ANKFN1: variants seen among roughly 807,000 people sequenced by gnomAD.
ANKFN1 encodes ankyrin repeat and fibronectin type-III domain-containing protein 1.
ANKFN1 carries 74 observed loss-of-function variants against 108.7 expected under a neutral mutation model. That is an observed-to-expected ratio of 0.68 (90% CI 0.56 to 0.83). ANKFN1 has a LOEUF of 0.83. Among genes scored for constraint, ANKFN1 ranks in the 40% least tolerant of loss-of-function variants. ANKFN1 has a pLI of 0.00. For missense variants in ANKFN1, 1,505 were observed against 1,382.3 expected (o/e 1.09, Z -1.41); for synonymous variants, 547 against 516.2 (o/e 1.06, Z -0.81).
intron 4 of ANKFN1, among the ~76,000 whole-genome samples, chr17:56,061,271 T>C (rs1429616482): frequency 7.6e-6 from 1 of 131,224 alleles, no homozygotes; most frequent in East Asian, 2.1e-4. Flanking sequence ...TTTTCTTTTT[T>C]TTTTTTTTTT....
intron 2 of ANKFN1, among the ~76,000 whole-genome samples, chr17:56,223,891 T>C (rs1916061735): frequency 6.6e-6 from 1 of 152,246 alleles, no homozygotes; most frequent in South Asian, 2.1e-4. Context: ...GCTTTATATG[T>C]ATATCCTCCA....
At chr17:56,309,813 AC>A (rs1262465455) in intron 3 of ANKFN1, among the ~76,000 whole-genome samples, 2 of 152,268 alleles carry the variant, frequency 1.3e-5, no homozygotes, top group Admixed American at 1.3e-4. Flanking sequence ...AATATTCTAT[AC>A]TAAAAGTTAT....
At chr17:56,203,175 C>T (rs1041849141) in intron 1 of ANKFN1, among the ~76,000 whole-genome samples, 6 of 152,124 alleles carry the variant, frequency 3.9e-5, no homozygotes, top group Admixed American at 6.6e-5. Context: ...TGTAAGTTTC[C>T]AGGGACATTT....
intron 3 of ANKFN1, among the ~76,000 whole-genome samples, chr17:56,240,740 G>C (rs1400326977): frequency 6.6e-6 from 1 of 152,016 alleles, no homozygotes; most frequent in African/African-American, 2.4e-5. Context: ...GAGTAAAATG[G>C]TGTGTCATTT....
chr17:56,381,891 A>G (rs1349299246), intron 8 of ANKFN1, among the ~76,000 whole-genome samples: 1 of 152,174 alleles, frequency 6.6e-6, no homozygotes, highest in African/African-American at 2.4e-5. Context: ...AACTTCCCCA[A>G]TCTAGCAAGG....
chr17:56,082,282 G>GTTTTGT (rs71137193), intron 4 of ANKFN1, among the ~76,000 whole-genome samples: 26 of 150,614 alleles, frequency 1.7e-4, no homozygotes, highest in East Asian at 7.9e-4. Flanking sequence ...TTGTTGTTTT[G>GTTTTGT]TTTTGTTTTT....
At chr17:56,503,497 A>G (rs1474044072) in intron 20 of ANKFN1, among the ~76,000 whole-genome samples, 1 of 60,108 alleles carries the variant, frequency 1.7e-5, no homozygotes, top group Non-Finnish European at 4.2e-5. Context: ...ATATATATAT[A>G]TATATATATA....
At chr17:56,067,329 A>G (rs926995777) in intron 4 of ANKFN1, among the ~76,000 whole-genome samples, 7 of 152,130 alleles carry the variant, frequency 4.6e-5, no homozygotes, top group African/African-American at 1.7e-4. Context: ...GTTTATTACA[A>G]TATTTAAAAT....
intron 8 of ANKFN1, among the ~76,000 whole-genome samples, chr17:56,409,295 T>A (rs762626722): frequency 2.6e-5 from 4 of 152,208 alleles, no homozygotes; most frequent in Non-Finnish European, 5.9e-5. Context: ...AGGAGCTGAC[T>A]TTCAGTAATC....
intron 4 of ANKFN1, among the ~76,000 whole-genome samples, chr17:56,333,977 T>C (rs2045736922): frequency 6.6e-6 from 1 of 152,066 alleles, no homozygotes; most frequent in Admixed American, 6.6e-5. Flanking sequence ...TACATCTTTA[T>C]TAAGGAAGAA....
intron 4 of ANKFN1, among the ~76,000 whole-genome samples, chr17:56,107,834 C>T (rs1905779763): frequency 6.6e-6 from 1 of 152,054 alleles, no homozygotes; most frequent in Admixed American, 6.6e-5. Context: ...TCACTGCATT[C>T]CTATAGCACC....
intron 20 of ANKFN1, among the ~76,000 whole-genome samples, chr17:56,505,744 G>C (rs1209810702): frequency 3.3e-5 from 5 of 152,180 alleles, no homozygotes; most frequent in African/African-American, 1.2e-4. Flanking sequence ...AACAATACAG[G>C]CTTTCCTTGA....
intron 11 of ANKFN1, among the ~76,000 whole-genome samples, chr17:56,449,461 C>T (rs910714725): frequency 6.6e-6 from 1 of 152,044 alleles, no homozygotes; most frequent in Non-Finnish European, 1.5e-5. Context: ...TCCCTTCTCT[C>T]GGAATTGTCC....
At chr17:56,263,612 T>C (rs1357706186) in intron 3 of ANKFN1, among the ~76,000 whole-genome samples, 2 of 152,222 alleles carry the variant, frequency 1.3e-5, no homozygotes, top group African/African-American at 4.8e-5. Flanking sequence ...CAAAAGCAAT[T>C]TGTAGCTCTC....
At chr17:56,056,419 A>G (rs993972163) in intron 4 of ANKFN1, among the ~76,000 whole-genome samples, 5 of 151,952 alleles carry the variant, frequency 3.3e-5, no homozygotes, top group Non-Finnish European at 7.4e-5. Context: ...CCTGACTTCA[A>G]ATTATACTAC....
intron 8 of ANKFN1, among the ~76,000 whole-genome samples, chr17:56,397,424 C>A (rs977726140): frequency 1.3e-5 from 2 of 152,176 alleles, no homozygotes; most frequent in African/African-American, 4.8e-5. Flanking sequence ...CTGTCCACTG[C>A]CAAAGGAAGG....
chr17:56,228,785 G>A (rs1266851268), intron 3 of ANKFN1, among the ~76,000 whole-genome samples: 1 of 151,992 alleles, frequency 6.6e-6, no homozygotes, highest in Non-Finnish European at 1.5e-5. Flanking sequence ...ACAACTATAA[G>A]GTAGATGGTT....
At chr17:56,447,272 T>C (rs1042686475) in intron 10 of ANKFN1, among the ~76,000 whole-genome samples, 1 of 152,068 alleles carries the variant, frequency 6.6e-6, no homozygotes, top group African/African-American at 2.4e-5. Context: ...AAGAAAAAAT[T>C]TGAGGCAAAG....
At chr17:56,140,891 A>C (rs535905389) in intron 4 of ANKFN1, among the ~76,000 whole-genome samples, 1 of 152,188 alleles carries the variant, frequency 6.6e-6, no homozygotes, top group Non-Finnish European at 1.5e-5. Flanking sequence ...TACACTCCCA[A>C]GTAGGACATC....
Sources: allele counts gnomAD v4.1 joint callset (sites outside exome capture counted in the v4.1 genomes callset), GRCh38; gene constraint gnomAD v4.1.1; transcripts MANE v1.5; gene names NCBI Gene and HGNC (gene_info 2026-07-23, HGNC 2026-07-21).